Variants in DNAJC5 observed in about 807,000 individuals in gnomAD.
DNAJC5 encodes dnaJ homolog subfamily C member 5.
DNAJC5 carries 1 observed loss-of-function variant against 23.2 expected under a neutral mutation model. The observed-to-expected ratio is 0.04, with a 90% CI of 0.02 to 0.20. The LOEUF (loss-of-function observed/expected upper bound fraction) is 0.20. Ranked by LOEUF, DNAJC5 falls within the 10% of genes least tolerant of loss-of-function variation. The pLI is 1.00. For synonymous variants in DNAJC5, 136 were observed against 120.0 expected (o/e 1.13, Z -0.87); for missense variants, 180 against 267.0 (o/e 0.67, Z 2.27).
At chr20:63,926,526 G>C (rs2053617589) in intron 1 of DNAJC5, among the ~76,000 whole-genome samples, 1 of 152,244 alleles carries the variant, frequency 6.6e-6, no homozygotes, top group African/African-American at 2.4e-5. Flanking sequence ...GCCATTATCT[G>C]TGTCTCTTTC....
At chr20:63,924,450 G>A (rs2053595492) in intron 1 of DNAJC5, among the ~76,000 whole-genome samples, 4 of 152,144 alleles carry the variant, frequency 2.6e-5, no homozygotes, top group African/African-American at 9.7e-5. Flanking sequence ...GTGGTGGCAC[G>A]ATCATGGCTC....
chr20:63,917,091 TTAAAG>T (rs1405407122), intron 1 of DNAJC5, among the ~76,000 whole-genome samples: 2 of 152,194 alleles, frequency 1.3e-5, no homozygotes, highest in East Asian at 1.9e-4. Context: ...GATTAAGAGA[TTAAAG>T]TAAGACAGGC....
chr20:63,907,600 G>A (rs1203424622), intron 1 of DNAJC5, among the ~76,000 whole-genome samples: 2 of 152,118 alleles, frequency 1.3e-5, no homozygotes, highest in South Asian at 2.1e-4. Flanking sequence ...AGGCCTCTTA[G>A]GAAGGGCTCT....
At chr20:63,898,636 G>C (rs1037594577) in intron 1 of DNAJC5, among the ~76,000 whole-genome samples, 2 of 152,168 alleles carry the variant, frequency 1.3e-5, no homozygotes, top group Non-Finnish European at 2.9e-5. Flanking sequence ...GAGATCGAGA[G>C]ATCGAGACCA....
At position 63,928,173 on chromosome 20, in the gene DNAJC5, C is replaced by T. The variant is rs2053631223; in HGVS notation, c.-11-162C>T. Among the ~76,000 whole-genome samples the T allele has an allele frequency of 6.6e-6, 1 of 152,212 alleles. No individual in the cohort carries two copies. Among genetic ancestry groups the T allele is most frequent in the Non-Finnish European group, 1.5e-5 (1 of 68,040 alleles). ...GGGGTGGCCGTATTCTGCCGTCTCACACTTCTCCATGCCATGGCGTCTGTC... is the reference window on the plus strand; with the variant it reads ...GGGGTGGCCGTATTCTGCCGTCTCATACTTCTCCATGCCATGGCGTCTGTC... On this transcript the variant is annotated intron_variant, in intron 1 of 4. Coordinates refer to ENST00000360864, the MANE Select transcript of DNAJC5 (RefSeq NM_025219.3). The surrounding 1 kb of genome is among the most constrained non-coding windows in gnomAD (Gnocchi z 4.6).
At chr20:63,912,974 C>T (rs2053491238) in intron 1 of DNAJC5, among the ~76,000 whole-genome samples, 1 of 89,418 alleles carries the variant, frequency 1.1e-5, no homozygotes. Flanking sequence ...AAAAGAAATG[C>T]CAGTTGTATT....
intron 1 of DNAJC5, among the ~76,000 whole-genome samples, chr20:63,912,214 A>G (rs1462348560): frequency 1.3e-5 from 2 of 151,916 alleles, no homozygotes. Context: ...GAGGCAGGAG[A>G]ATCGCTTGAA....
At chr20:63,915,423 T>G (rs1217088402) in intron 1 of DNAJC5, among the ~76,000 whole-genome samples, 1 of 125,444 alleles carries the variant, frequency 8.0e-6, no homozygotes. Context: ...CTACAATTGG[T>G]AAAAAAAAAA....
intron 1 of DNAJC5, among the ~76,000 whole-genome samples, chr20:63,915,709 A>G (rs2053511605): frequency 6.6e-6 from 1 of 152,150 alleles, no homozygotes; most frequent in Non-Finnish European, 1.5e-5. Flanking sequence ...GTCCTCAGAG[A>G]GCAGTTGGCA....
At position 63,929,155 on chromosome 20, in the gene DNAJC5, C is replaced by T. The variant is rs817363; in HGVS notation, c.108-157C>T. ...AACAACCGCGGAGCTTGCTTTTGTC[C>T]CTGGCCCCTGCAGCCCTGGAGAGTC... On this transcript the variant is annotated intron_variant, in intron 2 of 4. Transcript: ENST00000360864. The surrounding 1 kb of genome is among the most constrained non-coding windows in gnomAD (Gnocchi z 8.6). Among the ~76,000 whole-genome samples the T allele has an allele frequency of 0.17, 25,892 of 152,044 alleles. 4,041 individuals carry two copies. Among genetic ancestry groups the T allele is most frequent in the East Asian group, 0.48 (2,468 of 5,136 alleles).
At position 63,933,594 on chromosome 20, in the gene DNAJC5, T is replaced by G. The variant is rs1056968006; in HGVS notation, c.*2026T>G. The G allele has an allele frequency of 6.6e-6, 1 of 152,310 alleles. No homozygotes were observed. The highest frequency in any genetic ancestry group is 1.5e-5 in the Non-Finnish European group (1 of 68,034). The allele number at this position is 152,310 out of a possible 1,614,324, so 9.4% of individuals were successfully genotyped here. ...TCATTGTTTGGCCCATCCTGAAAGG[T>G]GAGGTGGCGAGACAGTGGGGTGCCT... On this transcript the variant is annotated 3_prime_UTR_variant, in exon 5 of 5. Transcript: ENST00000360864.
At chr20:63,903,388 A>G (rs1337889305) in intron 1 of DNAJC5, among the ~76,000 whole-genome samples, 6 of 151,958 alleles carry the variant, frequency 3.9e-5, no homozygotes, top group African/African-American at 9.7e-5. Flanking sequence ...GCACACTGCA[A>G]CCTCCGCCTC....
At chr20:63,900,039 C>A (rs529460288) in intron 1 of DNAJC5, among the ~76,000 whole-genome samples, 6 of 152,030 alleles carry the variant, frequency 3.9e-5, no homozygotes, top group African/African-American at 1.4e-4. Flanking sequence ...CAGGCGCCTG[C>A]CATGACACCC....
At chr20:63,914,425 C>T (rs986883428) in intron 1 of DNAJC5, among the ~76,000 whole-genome samples, 1 of 151,678 alleles carries the variant, frequency 6.6e-6, no homozygotes, top group Non-Finnish European at 1.5e-5. Flanking sequence ...CGCGATTCTC[C>T]CGCCTCAGTC....
chr20:63,922,400 G>A (rs2053580533), intron 1 of DNAJC5, among the ~76,000 whole-genome samples: 2 of 151,200 alleles, frequency 1.3e-5, no homozygotes. Context: ...GTGGTGGAGG[G>A]TGCATGGAGC....
At chr20:63,910,486 T>G (rs936968051) in intron 1 of DNAJC5, among the ~76,000 whole-genome samples, 37 of 149,862 alleles carry the variant, frequency 2.5e-4, no homozygotes, top group African/African-American at 8.8e-4. Flanking sequence ...GAGCTTGCAG[T>G]GAGTGGAGAT....
chr20:63,895,784 C>G (rs186392709), intron 1 of DNAJC5, among the ~76,000 whole-genome samples: 1 of 152,222 alleles, frequency 6.6e-6, no homozygotes, highest in South Asian at 2.1e-4. Flanking sequence ...GAAAATTGTT[C>G]TGTAACGCAT....
intron 1 of DNAJC5, among the ~76,000 whole-genome samples, chr20:63,916,591 C>T (rs1403853336): frequency 6.6e-6 from 1 of 152,184 alleles, no homozygotes. Flanking sequence ...TCTTGATAAA[C>T]ATCTTAAACA....
chr20:63,900,691 A>G (rs1262393523), intron 1 of DNAJC5, among the ~76,000 whole-genome samples: 1 of 151,712 alleles, frequency 6.6e-6, no homozygotes, highest in Non-Finnish European at 1.5e-5. Flanking sequence ...TACATTTTGC[A>G]TGAATGGTTT....
Sources: allele counts gnomAD v4.1 joint callset (sites outside exome capture counted in the v4.1 genomes callset), GRCh38; gene constraint gnomAD v4.1.1; non-coding constraint Gnocchi (gnomAD v3.1); transcripts MANE v1.5; gene names NCBI Gene and HGNC (gene_info 2026-07-23, HGNC 2026-07-21).